The following CD302 variants were observed in gnomAD, a reference collection of about 807,000 sequenced individuals.
CD302 encodes CD302 molecule.
In CD302, 23 loss-of-function variants were observed where a neutral mutation model predicts 26.5. That is an observed-to-expected ratio of 0.87 (90% CI 0.62 to 1.23). The LOEUF is 1.23. Ranked by LOEUF, CD302 falls within the 50% of genes most tolerant of loss-of-function variation. The pLI, the probability that CD302 is intolerant of heterozygous loss-of-function variation, is 0.00. For synonymous variants in CD302, 90 were observed against 99.4 expected, an observed-to-expected ratio of 0.91 and a Z score of 0.56; for missense variants, 290 against 275.5, an observed-to-expected ratio of 1.05 and a Z score of -0.37.
chr2:159,793,084 C>T (rs996910482), intron 1 of CD302, among the ~76,000 whole-genome samples: 1 of 152,196 alleles, frequency 6.6e-6, no homozygotes, highest in Non-Finnish European at 1.5e-5. Context: ...TTGCCATAAT[C>T]CTAATATAAT....
rs371554523 is a variant in CD302 at position 159,780,883 on chromosome 2, A to G, written c.294T>C (p.Asp98=). ...DILLGMFYDT[D]DASFKWFDNS... ...TCCCACGAGGTAAATATCACTTACC[A>G]TCTGTGTCATAAAACATGCCTAGTA... is the stretch of plus-strand genomic sequence containing the variant. Residue 98 remains aspartate (D), a splice_region_variant and synonymous_variant, in exon 3 of 6, where the codon GAT becomes GAC. Transcript: ENST00000259053. 1.4e-5 allele frequency: 22 copies of G among 1,612,160 alleles called. 1 individual carries two copies. The South Asian group carries it at 2.4e-4, about 18-fold the overall frequency.
At chr2:159,797,465 T>C (rs1033028552) in intron 1 of CD302, among the ~76,000 whole-genome samples, 3 of 152,106 alleles carry the variant, frequency 2.0e-5, no homozygotes, top group Non-Finnish European at 4.4e-5. Context: ...TCACGAGTCG[T>C]TTTGTAAATG....
chr2:159,780,822 G>A, intron 3 of CD302, 60 bp downstream of exon 3: 2 of 1,480,628 alleles, frequency 1.4e-6, no homozygotes, highest in Non-Finnish European at 1.9e-6. Flanking sequence ...AAAGCCATCA[G>A]TTTTGCTACA....
chr2:159,771,869 A>C lies in CD302; in HGVS notation c.681T>G (p.Tyr227Ter), dbSNP rs768913209. 6.2e-7 allele frequency: 1 copy of C among 1,613,906 alleles called. No individual in the cohort carries two copies. The highest frequency in any genetic ancestry group is 1.1e-5 in the South Asian group (1 of 91,064). Reference protein sequence around the residue: ...CVLVVGEENEYPVQFD With the variant: ...CVLVVGEENE Reference sequence around the variant, plus strand: ...CAAAAACTTAGTCAAATTGAACAGGATATTCATTTTCTTCTCCAACTACCA... The same window carrying C: ...CAAAAACTTAGTCAAATTGAACAGGCTATTCATTTTCTTCTCCAACTACCA... Residue 227 changes from tyrosine to a stop codon, truncating the protein, a stop_gained, in exon 6 of 6, where the codon TAT (tyrosine) becomes TAG (stop). Transcript: ENST00000259053. LOFTEE classifies it high-confidence loss of function.
intron 5 of CD302, among the ~76,000 whole-genome samples, chr2:159,775,437 A>T (rs7590617): frequency 1.3e-5 from 2 of 151,868 alleles, no homozygotes; most frequent in Admixed American, 1.3e-4. Context: ...GTGTATCTTT[A>T]TTTTTTCCAA....
At position 159,783,516 on chromosome 2, in the gene CD302, A is replaced by G. The variant is rs369058668; in HGVS notation, c.68-47T>C. On this transcript the variant is annotated intron_variant, in intron 1 of 5. Transcript: ENST00000259053. ...ACTGTTAAATAACTTGAGAAAAAGA[A>G]TTACATGAATTCCCAAAGATAAGGA... The G allele has an allele frequency of 2.8e-6, 4 of 1,429,650 alleles. No individual in the cohort carries two copies. In the African/African-American group the frequency reaches 5.7e-5, roughly 21 times the overall value. The allele number at this position is 1,429,650 out of a possible 1,614,324, so 88.6% of individuals were successfully genotyped here. A position where few individuals can be genotyped will look rare whatever the true frequency, so the allele number is the denominator to read the frequency against.
intron 5 of CD302, among the ~76,000 whole-genome samples, chr2:159,775,237 A>C (rs1259669917): frequency 6.6e-6 from 1 of 152,240 alleles, no homozygotes; most frequent in African/African-American, 2.4e-5. Flanking sequence ...AGAAAGCCTG[A>C]CACATAGTGT....
chr2:159,782,343 G>A (rs1222280383), intron 2 of CD302, among the ~76,000 whole-genome samples: 1 of 148,844 alleles, frequency 6.7e-6, no homozygotes, highest in Non-Finnish European at 1.5e-5. Context: ...AACCCGGGAG[G>A]CGCAGCTTGC....
At chr2:159,778,686 T>C (rs1245136829) in intron 4 of CD302, among the ~76,000 whole-genome samples, 1 of 152,122 alleles carries the variant, frequency 6.6e-6, no homozygotes, top group East Asian at 1.9e-4. Context: ...AAATTCATAT[T>C]TTGAAACATT....
intron 5 of CD302, among the ~76,000 whole-genome samples, chr2:159,772,752 TTTA>T (rs1298523325): frequency 1.3e-5 from 2 of 152,214 alleles, no homozygotes; most frequent in East Asian, 1.9e-4. Context: ...TGACAGATTT[TTTA>T]TTATTAAATA....
At position 159,783,419 on chromosome 2, in the gene CD302, GA is replaced by G; in HGVS notation, c.117del (p.Leu40SerfsTer7). On this transcript the variant is annotated frameshift_variant, in exon 2 of 6. Transcript: ENST00000259053. LOFTEE classifies it high-confidence loss of function. ...CTTTCTACTTTGATGGCTTCTTGGA[GA>G]AAAATGTAACAACTGTCTTGGAACT... ...WIQFQDSCYI[F>X]LQEAIKVESI... 1 of 1,612,704 alleles carries G rather than the reference GA, an allele frequency of 6.2e-7. No individual in the cohort carries two copies. Among genetic ancestry groups the G allele is most frequent in the Non-Finnish European group, 8.5e-7 (1 of 1,179,614 alleles).
chr2:159,770,388 A>G lies in CD302; in HGVS notation c.*1463T>C, dbSNP rs1414925243. 6.6e-6 allele frequency: 1 copy of G among 152,126 alleles called. No homozygotes were observed. Among genetic ancestry groups the G allele is most frequent in the Non-Finnish European group, 1.5e-5 (1 of 68,014 alleles). 9.4% of individuals were successfully genotyped at this position (152,126 alleles called of 1,614,324 possible). On this transcript the variant is annotated 3_prime_UTR_variant, in exon 6 of 6. Transcript: ENST00000259053. ...AATAGTTTTCTATCACTTTTTAGTT[A>G]CTCATGTCTCATTAATGATAGTGCC...
At chr2:159,779,910 A>G in intron 4 of CD302, 95 bp downstream of exon 4, 1 of 1,443,254 alleles carries the variant, frequency 6.9e-7, no homozygotes, top group African/African-American at 1.4e-5. Flanking sequence ...GCCTTATTCT[A>G]TTTATTGAGG....
intron 1 of CD302, among the ~76,000 whole-genome samples, chr2:159,784,745 ATT>A (rs1708620264): frequency 6.6e-6 from 1 of 152,138 alleles, no homozygotes; most frequent in South Asian, 2.1e-4. Flanking sequence ...ATTAATCTAA[ATT>A]AATTCAACAC....
Position 159,796,692 on chromosome 2 carries a change from G to A in CD302, c.67+1440C>T, listed in dbSNP as rs80102727. On this transcript the variant is annotated intron_variant, in intron 1 of 5. Transcript: ENST00000259053. ...CTTGAAAAGCCTATTGATCCACACTGGACTTATCAAAGGAAATGCACAAAA... is the reference window on the plus strand; with the variant it reads ...CTTGAAAAGCCTATTGATCCACACTAGACTTATCAAAGGAAATGCACAAAA... Among the ~76,000 whole-genome samples the A allele has an allele frequency of 4.3e-4, 66 of 152,214 alleles. No homozygotes were observed. The East Asian group carries it at 0.012, about 29-fold the overall frequency.
intron 1 of CD302, among the ~76,000 whole-genome samples, chr2:159,791,167 T>A (rs934923596): frequency 1.1e-4 from 17 of 152,222 alleles, no homozygotes; most frequent in African/African-American, 3.9e-4. Flanking sequence ...AACTGCATTA[T>A]GCATGAGAGA....
At chr2:159,781,047 G>GA (rs1371021093) in intron 2 of CD302, 49 bp from the exon 3 acceptor site, 2 of 1,437,930 alleles carry the variant, frequency 1.4e-6, no homozygotes, top group Non-Finnish European at 1.9e-6. Context: ...CAGAATCAGT[G>GA]AAAATCACTA....
At chr2:159,790,581 G>A (rs1358809910) in intron 1 of CD302, among the ~76,000 whole-genome samples, 1 of 152,170 alleles carries the variant, frequency 6.6e-6, no homozygotes, top group Admixed American at 6.5e-5. Context: ...CAAAAGGGCA[G>A]AGGCTCTAAA....
chr2:159,793,017 G>A (rs73967916), intron 1 of CD302, among the ~76,000 whole-genome samples: 9,672 of 152,198 alleles, frequency 0.064, 986 homozygotes, highest in African/African-American at 0.22. Context: ...GATTGTTGAC[G>A]TTCATGCACC....
Sources: allele counts gnomAD v4.1 joint callset (sites outside exome capture counted in the v4.1 genomes callset), GRCh38; gene constraint gnomAD v4.1.1; transcripts MANE v1.5; gene names NCBI Gene and HGNC (gene_info 2026-07-23, HGNC 2026-07-21).